The following KIAA1549L variants were observed in gnomAD, a reference collection of about 807,000 sequenced individuals.
The protein encoded by KIAA1549L is KIAA1549 like.
Under a neutral mutation model 160.7 loss-of-function variants are expected in KIAA1549L, and 88 were observed. The observed-to-expected ratio is 0.55, with a 90% CI of 0.46 to 0.65. The LOEUF (loss-of-function observed/expected upper bound fraction) is 0.65. Among genes scored for constraint, KIAA1549L ranks in the 30% least tolerant of loss-of-function variants. KIAA1549L has a pLI of 0.00. For missense variants in KIAA1549L, 2,258 were observed against 2,437.5 expected, an observed-to-expected ratio of 0.93 and a Z score of 1.55; for synonymous variants, 950 against 976.7, an observed-to-expected ratio of 0.97 and a Z score of 0.51.
intron 1 of KIAA1549L, among the ~76,000 whole-genome samples, chr11:33,405,528 A>G (rs1404369137): frequency 2.6e-4 from 19 of 72,430 alleles, no homozygotes; most frequent in Admixed American, 1.1e-3. Context: ...TTTTTTTTTT[A>G]ACATAATACA....
intron 14 of KIAA1549L, among the ~76,000 whole-genome samples, chr11:33,608,416 T>A (rs1226544315): frequency 6.6e-6 from 1 of 152,266 alleles, no homozygotes; most frequent in Admixed American, 6.5e-5. Context: ...AATTTGAGAA[T>A]CTGAATGTCT....
At chr11:33,524,356 C>G (rs1182364962) in intron 1 of KIAA1549L, among the ~76,000 whole-genome samples, 1 of 151,802 alleles carries the variant, frequency 6.6e-6, no homozygotes, top group Non-Finnish European at 1.5e-5. Context: ...TTAAACAGGC[C>G]TATGAAAGAT....
chr11:33,609,967 G>A lies in KIAA1549L; in HGVS notation c.5279+1G>A, dbSNP rs781153102. 3 of 1,612,370 alleles carry A rather than the reference G, an allele frequency of 1.9e-6. No individual in the cohort carries two copies. Among genetic ancestry groups the A allele is most frequent in the Non-Finnish European group, 1.7e-6 (2 of 1,178,656 alleles). Reference sequence around the variant, plus strand: ...CTCCATTCACCGAGTCTAAAAACAGGTGCAGTCTCTAAGGGATTCTGTAAA... The same window carrying A: ...CTCCATTCACCGAGTCTAAAAACAGATGCAGTCTCTAAGGGATTCTGTAAA... On this transcript the variant is annotated splice_donor_variant, in intron 15 of 20. Coordinates refer to ENST00000658780, the MANE Select transcript of KIAA1549L (RefSeq NM_012194.3). LOFTEE classifies it high-confidence loss of function.
At chr11:33,434,575 A>C (rs1175262611) in intron 1 of KIAA1549L, among the ~76,000 whole-genome samples, 2 of 152,170 alleles carry the variant, frequency 1.3e-5, no homozygotes, top group East Asian at 3.8e-4. Flanking sequence ...CTAGCTGCAC[A>C]AGAGAGCTAG....
rs554627696 is a variant in KIAA1549L at position 33,653,770 on chromosome 11, C to G, written c.5761-2242C>G. Among the ~76,000 whole-genome samples the G allele has an allele frequency of 1.5e-4, 23 of 152,142 alleles. 1 individual carries two copies. The highest frequency in any genetic ancestry group is 5.5e-4 in the African/African-American group (23 of 41,502). Reference sequence around the variant, plus strand: ...GTCTTGTATTTCTCTTTTATATTTTCTATCTTCTCGGCCCATTGTGCATCA... The same window carrying G: ...GTCTTGTATTTCTCTTTTATATTTTGTATCTTCTCGGCCCATTGTGCATCA... On this transcript the variant is annotated intron_variant, in intron 17 of 20. Transcript: ENST00000658780.
At chr11:33,650,432 G>T (rs142328965) in intron 17 of KIAA1549L, among the ~76,000 whole-genome samples, 2 of 152,118 alleles carry the variant, frequency 1.3e-5, no homozygotes, top group African/African-American at 4.8e-5. Context: ...TCTTCTCTGC[G>T]TGCCAGAAGC....
chr11:33,642,044 G>T (rs561448779), intron 16 of KIAA1549L, among the ~76,000 whole-genome samples: 124 of 152,050 alleles, frequency 8.2e-4, no homozygotes, highest in Non-Finnish European at 1.6e-3. Flanking sequence ...ATGTTTTAGT[G>T]GGGGAGGGAG....
At position 33,668,229 on chromosome 11, in the gene KIAA1549L, A is replaced by C. The variant is rs1354394458; in HGVS notation, c.*75A>C. The C allele has an allele frequency of 1.4e-6, 2 of 1,390,920 alleles. No individual in the cohort carries two copies. Among genetic ancestry groups the C allele is most frequent in the Non-Finnish European group, 2.0e-6 (2 of 1,012,498 alleles). The allele number at this position is 1,390,920 out of a possible 1,614,324, so 86.2% of individuals were successfully genotyped here. A position where few individuals can be genotyped will look rare whatever the true frequency, so the allele number is the denominator to read the frequency against. On this transcript the variant is annotated 3_prime_UTR_variant, in exon 21 of 21. Transcript: ENST00000658780. Reference sequence around the variant, plus strand: ...TTTGGGTTTCCCATGCCTACGTGTTAGGACTTGAGACATAGCAATGGGTGA... The same window carrying C: ...TTTGGGTTTCCCATGCCTACGTGTTCGGACTTGAGACATAGCAATGGGTGA...
intron 1 of KIAA1549L, among the ~76,000 whole-genome samples, chr11:33,416,684 C>T (rs1850895996): frequency 3.9e-5 from 6 of 152,062 alleles, no homozygotes; most frequent in Admixed American, 3.9e-4. Flanking sequence ...GCCCTGGAAC[C>T]AATTCTCTTT....
intron 10 of KIAA1549L, among the ~76,000 whole-genome samples, chr11:33,580,587 A>AAAAG (rs58664064): frequency 2.6e-4 from 33 of 127,560 alleles, no homozygotes; most frequent in East Asian, 1.1e-3. Flanking sequence ...AAAAAAAAAA[A>AAAAG]AAAAGAAAAG....
chr11:33,511,811 A>T (rs569216107), intron 1 of KIAA1549L, among the ~76,000 whole-genome samples: 1 of 152,226 alleles, frequency 6.6e-6, no homozygotes, highest in Non-Finnish European at 1.5e-5. Flanking sequence ...AGTATCTCAC[A>T]TCTCTGGACT....
intron 9 of KIAA1549L, among the ~76,000 whole-genome samples, chr11:33,570,972 G>T (rs964503103): frequency 6.6e-6 from 1 of 152,076 alleles, no homozygotes; most frequent in African/African-American, 2.4e-5. Flanking sequence ...ACTCTTAGAT[G>T]ATCACAAACT....
chr11:33,639,403 C>T (rs1851527369), intron 16 of KIAA1549L, among the ~76,000 whole-genome samples: 1 of 152,186 alleles, frequency 6.6e-6, no homozygotes, highest in African/African-American at 2.4e-5. Flanking sequence ...CTTCTAAATA[C>T]TGTGGCCTTT....
At chr11:33,562,411 T>C (rs1349215944) in intron 8 of KIAA1549L, among the ~76,000 whole-genome samples, 1 of 152,240 alleles carries the variant, frequency 6.6e-6, no homozygotes. Context: ...CTACTGGCAC[T>C]GCTATAAGCA....
At chr11:33,496,130 A>T (rs549604905) in intron 1 of KIAA1549L, among the ~76,000 whole-genome samples, 6 of 151,950 alleles carry the variant, frequency 3.9e-5, no homozygotes, top group Non-Finnish European at 8.8e-5. Context: ...CACCTGGCTA[A>T]TTTTTGTATT....
chr11:33,572,322 C>T (rs1490588940), intron 9 of KIAA1549L, among the ~76,000 whole-genome samples: 1 of 152,174 alleles, frequency 6.6e-6, no homozygotes, highest in African/African-American at 2.4e-5. Flanking sequence ...CAGACATGAG[C>T]CACTGTGCCT....
At chr11:33,494,593 C>G (rs186476832) in intron 1 of KIAA1549L, among the ~76,000 whole-genome samples, 48 of 152,304 alleles carry the variant, frequency 3.2e-4, no homozygotes, top group African/African-American at 1.1e-3. Context: ...CTTTCTGGAC[C>G]TTTAAAGAGT....
rs1245225739 is a variant in KIAA1549L at position 33,621,742 on chromosome 11, A to AC, written c.5409+3084dup. On this transcript the variant is annotated intron_variant, in intron 16 of 20. Coordinates refer to ENST00000658780, the MANE Select transcript of KIAA1549L (RefSeq NM_012194.3). ...TTTTCCTTTATCAGCCAAATTATTT[A>AC]CCCCAGTATGTGGATACGAAACCTT... 2.6e-5 allele frequency among the ~76,000 whole-genome samples: 4 copies of AC among 152,304 alleles called. No individual in the cohort carries two copies. In the East Asian group the frequency reaches 7.7e-4, roughly 29 times the overall value.
At chr11:33,594,587 C>A (rs191638828) in intron 12 of KIAA1549L, among the ~76,000 whole-genome samples, 1 of 152,326 alleles carries the variant, frequency 6.6e-6, no homozygotes, top group East Asian at 1.9e-4. Context: ...AAACAAAAAA[C>A]ACCCAAAGCA....
Sources: gnomAD v4.1 joint callset for allele counts (sites outside exome capture counted in the v4.1 genomes callset) on GRCh38, gnomAD v4.1.1 for gene constraint, MANE v1.5 for transcripts, NCBI Gene and HGNC (gene_info 2026-07-23, HGNC 2026-07-21) for gene names.